The following HTR3D variants were observed in gnomAD, a reference collection of about 807,000 sequenced individuals.
The protein encoded by HTR3D is 5-hydroxytryptamine (serotonin) receptor 3 family member D.
Under a neutral mutation model 45.8 loss-of-function variants are expected in HTR3D, and 47 were observed. The ratio of observed to expected loss-of-function variants is 1.03; its 90% CI spans 0.81 to 1.31. The LOEUF (loss-of-function observed/expected upper bound fraction) is 1.31, where lower values mean the gene tolerates loss of function less well. Among genes scored for constraint, HTR3D ranks in the 50% most tolerant of loss-of-function variants. HTR3D has a pLI of 0.00. For missense variants in HTR3D, 448 were observed against 506.9 expected (o/e 0.88, Z 1.12); for synonymous variants, 203 against 199.8 (o/e 1.02, Z -0.13).
At position 184,036,090 on chromosome 3, in the gene HTR3D, A is replaced by G. The variant is rs1461390492; in HGVS notation, c.187A>G (p.Ile63Val). Residue 63 changes from isoleucine (I) to valine (V), a missense_variant, in exon 3 of 8, where the codon ATC (isoleucine) becomes GTC (valine). Coordinates refer to ENST00000428798, the MANE Select transcript of HTR3D (RefSeq NM_001145143.1). ...GAACCTATGGCTTTCAGATGTCTTC[A>G]TCGAGGAGTCGTGAGTCTCAGGCCA... ...TENLWLSDVF[I>V]EESVDQTPAG... 1.2e-5 allele frequency: 18 copies of G among 1,551,090 alleles called. No homozygotes were observed. Among genetic ancestry groups the G allele is most frequent in the Non-Finnish European group, 1.6e-5 (18 of 1,146,850 alleles).
Position 184,033,119 on chromosome 3 carries a change from A to ATTTTTTTT in HTR3D, c.66+1323_66+1330dup, listed in dbSNP as rs879211143. ...GGTGAGCAGTGGACCCTCTGACTGGATTTTTTTTTTTTTTTTTTGAGATGG... is the reference window on the plus strand; with the variant it reads ...GGTGAGCAGTGGACCCTCTGACTGGATTTTTTTTTTTTTTTTTTTTTTTTTTGAGATGG... On this transcript the variant is annotated intron_variant, in intron 1 of 7. Coordinates refer to ENST00000428798, the MANE Select transcript of HTR3D (RefSeq NM_001145143.1). The ATTTTTTTT allele has an allele frequency of 3.9e-5, 35 of 908,350 alleles. No homozygotes were observed. In the African/African-American group the frequency reaches 5.8e-4, roughly 15 times the overall value. The allele number at this position is 908,350 out of a possible 1,614,324, so 56.3% of individuals were successfully genotyped here. A position where few individuals can be genotyped will look rare whatever the true frequency, so the allele number is the denominator to read the frequency against.
chr3:184,038,500 G>A lies in HTR3D; in HGVS notation c.861G>A (p.Gln287=). The A allele has an allele frequency of 6.2e-7, 1 of 1,613,988 alleles. No individual in the cohort carries two copies. The highest frequency in any genetic ancestry group is 8.5e-7 in the Non-Finnish European group (1 of 1,180,024). The change falls in exon 7 of 8, where the codon CAG becomes CAA. Residue 287 remains glutamine, a synonymous_variant. Coordinates refer to ENST00000428798, the MANE Select transcript of HTR3D (RefSeq NM_001145143.1). The surrounding 1 kb of genome is among the most constrained non-coding windows in gnomAD (Gnocchi z 4.5). ...ITHLLHVATT[Q]PLPLPRWLHS... Reference sequence around the variant, plus strand: ...ACCTGCTGCACGTGGCCACCACCCAGCCCCTACCTCTGCCTCGGTGGCTCC... The same window carrying A: ...ACCTGCTGCACGTGGCCACCACCCAACCCCTACCTCTGCCTCGGTGGCTCC...
Position 184,031,822 on chromosome 3 carries a change from G to A in HTR3D, c.66+15G>A. On this transcript the variant is annotated intron_variant, in intron 1 of 7. Transcript: ENST00000428798. ...TGCTGCTGCAAGTACCTTAAGATAA[G>A]AGCAAGAGCTGAGCAGACATGTAAC... 1 of 1,543,722 alleles carries A rather than the reference G, an allele frequency of 6.5e-7. No homozygotes were observed. The highest frequency in any genetic ancestry group is 8.8e-7 in the Non-Finnish European group (1 of 1,139,890).
At chr3:184,037,078 C>T (rs757205041) in intron 5 of HTR3D, among the ~76,000 whole-genome samples, 182 bp downstream of exon 5, 11 of 147,812 alleles carry the variant, frequency 7.4e-5, no homozygotes, top group Non-Finnish European at 1.0e-4. Context: ...TTGTTCTTGT[C>T]GCTCAGGCTG....
chr3:184,036,533 C>T lies in HTR3D; in HGVS notation c.356C>T (p.Pro119Leu). The change falls in exon 4 of 8, where the codon CCT becomes CTT. Residue 119 changes from proline to leucine, a missense_variant. Coordinates refer to ENST00000428798, the MANE Select transcript of HTR3D (RefSeq NM_001145143.1). ...GAACGCTCTCCTTCAGCCCTTTCAC[C>T]TACACAGGTAAGTGGGGCTCACTAA... ...RGERSPSALS[P>L]TQVTRAWRRM... 1 of 1,614,196 alleles carries T rather than the reference C, an allele frequency of 6.2e-7. No individual in the cohort carries two copies. Among genetic ancestry groups the T allele is most frequent in the Non-Finnish European group, 8.5e-7 (1 of 1,180,038 alleles).
At chr3:184,032,714 T>C in intron 1 of HTR3D, 2 of 748,906 alleles carry the variant, frequency 2.7e-6, no homozygotes, top group Non-Finnish European at 4.5e-6. Flanking sequence ...TGAGGATGGA[T>C]CCTTGACTCA....
Position 184,038,301 on chromosome 3 carries a change from G to C in HTR3D, c.769+28G>C. On this transcript the variant is annotated intron_variant, in intron 6 of 7. Coordinates refer to ENST00000428798, the MANE Select transcript of HTR3D (RefSeq NM_001145143.1). This position sits in a 1 kb window ranked among gnomAD's most constrained non-coding sequence, Gnocchi z 4.5. ...GTGTGTTGGATGGGGAGAGGGATGGGCAGAACCAGGCGAAGTGAAAAGGGA... is the reference window on the plus strand; with the variant it reads ...GTGTGTTGGATGGGGAGAGGGATGGCCAGAACCAGGCGAAGTGAAAAGGGA... 1.2e-6 allele frequency: 2 copies of C among 1,612,564 alleles called. No individual in the cohort carries two copies. The highest frequency in any genetic ancestry group is 1.7e-6 in the Non-Finnish European group (2 of 1,178,740).
Position 184,032,922 on chromosome 3 carries a change from G to T in HTR3D, c.66+1115G>T, listed in dbSNP as rs1407238952. The T allele has an allele frequency of 2.6e-6, 4 of 1,552,496 alleles. No homozygotes were observed. In the South Asian group the frequency reaches 3.6e-5, roughly 14 times the overall value. On this transcript the variant is annotated intron_variant, in intron 1 of 7. Transcript: ENST00000428798. ...AATGGCGACACTTTGATTATCAATT[G>T]CCCAGGCTTTGGCCAGCACAGGGTG...
At position 184,038,732 on chromosome 3, in the gene HTR3D, C is replaced by G. The variant is rs1029298941; in HGVS notation, c.986-14C>G. ...ACATTTGCAGCCCATGGCTGAGTCT[C>G]TGTCTTTCTGTAGGTGTGAAGGAGC... On this transcript the variant is annotated splice_polypyrimidine_tract_variant and intron_variant, in intron 7 of 7. Transcript: ENST00000428798. This position sits in a 1 kb window ranked among gnomAD's most constrained non-coding sequence, Gnocchi z 4.5. 1 of 1,575,204 alleles carries G rather than the reference C, an allele frequency of 6.3e-7. No individual in the cohort carries two copies. The highest frequency in any genetic ancestry group is 8.6e-7 in the Non-Finnish European group (1 of 1,159,250).
chr3:184,033,170 G>T, intron 1 of HTR3D: 1 of 756,046 alleles, frequency 1.3e-6, no homozygotes, highest in Non-Finnish European at 2.1e-6. Context: ...ACCCAGGCTG[G>T]AGTGCAGTGG....
At position 184,038,979 on chromosome 3, in the gene HTR3D, G is replaced by C. The variant is rs1426908263; in HGVS notation, c.*4G>C. 6.2e-7 allele frequency: 1 copy of C among 1,613,834 alleles called. No homozygotes were observed. The highest frequency in any genetic ancestry group is 2.2e-5 in the East Asian group (1 of 44,864). The stretch of plus-strand genomic sequence containing the variant: ...CATATGCCTCTGGAACACCTAGGCA[G>C]GTGCTCACCTGCAAACTTCAGTCTG... On this transcript the variant is annotated 3_prime_UTR_variant, in exon 8 of 8. Transcript: ENST00000428798. The surrounding 1 kb of genome is among the most constrained non-coding windows in gnomAD (Gnocchi z 4.5).
intron 1 of HTR3D, 52 bp from the exon 2 acceptor site, chr3:184,035,126 A>G (rs1352822798): frequency 6.4e-7 from 1 of 1,551,540 alleles, no homozygotes; most frequent in African/African-American, 1.4e-5. Context: ...GGGTGGTGGC[A>G]TGGGACCTGC....
In HTR3D at chr3:184,038,140, T is replaced by G. The variant is rs757337629; in HGVS notation, c.636T>G (p.Cys212Trp). The change falls in exon 6 of 8, where the codon TGT becomes TGG. Residue 212 changes from cysteine (C) to tryptophan (W), a missense_variant. Coordinates refer to ENST00000428798, the MANE Select transcript of HTR3D (RefSeq NM_001145143.1). This position sits in a 1 kb window ranked among gnomAD's most constrained non-coding sequence, Gnocchi z 4.5. Reference sequence around the variant, plus strand: ...ACCTGCCACTGGAAAGTGGGAATTGTGCCCCATTCAAGATGACTGTTCTGC... The same window carrying G: ...ACCTGCCACTGGAAAGTGGGAATTGGGCCCCATTCAAGATGACTGTTCTGC... ...SFYLPLESGN[C>W]APFKMTVLLG... 24 of 1,614,046 alleles carry G rather than the reference T, an allele frequency of 1.5e-5. No homozygotes were observed. Among genetic ancestry groups the G allele is most frequent in the Non-Finnish European group, 2.0e-5 (24 of 1,180,036 alleles).
chr3:184,035,325 C>T, intron 2 of HTR3D, 103 bp downstream of exon 2: 2 of 982,804 alleles, frequency 2.0e-6, no homozygotes, highest in Non-Finnish European at 3.1e-6. Flanking sequence ...TGAGAATATC[C>T]ATAAATTAGA....
In HTR3D at chr3:184,038,661, C is replaced by G. The variant is rs1044252591; in HGVS notation, c.985+37C>G. On this transcript the variant is annotated intron_variant, in intron 7 of 7. Transcript: ENST00000428798. The surrounding 1 kb of genome is among the most constrained non-coding windows in gnomAD (Gnocchi z 4.5). ...CATACTTCCTCTTCCCCCACCTCCA[C>G]TTCTCTGCTCCTGCCTCCTTCCCTG... 1.3e-6 allele frequency: 2 copies of G among 1,586,184 alleles called. No homozygotes were observed. The highest frequency in any genetic ancestry group is 2.7e-5 in the African/African-American group (2 of 74,044).
At chr3:184,034,967 C>G (rs1722845326) in intron 1 of HTR3D, 1 of 1,151,728 alleles carries the variant, frequency 8.7e-7, no homozygotes, top group Non-Finnish European at 1.2e-6. Context: ...GAATACTTGT[C>G]AAAACATATT....
At chr3:184,034,036 GAA>G (rs1413965684) in intron 1 of HTR3D, among the ~76,000 whole-genome samples, 1 of 152,184 alleles carries the variant, frequency 6.6e-6, no homozygotes, top group Non-Finnish European at 1.5e-5. Context: ...AGCCACTGTG[GAA>G]AAACAGTATG....
intron 1 of HTR3D, among the ~76,000 whole-genome samples, chr3:184,033,698 C>T (rs1464167546): frequency 1.3e-5 from 2 of 152,044 alleles, no homozygotes; most frequent in East Asian, 1.9e-4. Context: ...GGGTAGATCA[C>T]GTGAGGTCAG....
chr3:184,031,720 G>A, upstream of HTR3D: 3 of 1,539,658 alleles, frequency 1.9e-6, no homozygotes, highest in Non-Finnish European at 2.6e-6. Context: ...CAAGTACCCA[G>A]AGAAGTGCCA....
Sources: gnomAD v4.1 joint callset for allele counts (sites outside exome capture counted in the v4.1 genomes callset) on GRCh38, gnomAD v4.1.1 for gene constraint, Gnocchi (gnomAD v3.1) non-coding constraint, MANE v1.5 for transcripts, NCBI Gene and HGNC (gene_info 2026-07-23, HGNC 2026-07-21) for gene names.